Variants in ANKMY2 observed in about 807,000 individuals in gnomAD.
ANKMY2 encodes the protein ankyrin repeat and MYND domain-containing protein 2.
A neutral mutation model predicts 50.4 loss-of-function variants in ANKMY2; 36 were observed. That is an observed-to-expected ratio of 0.71 (90% CI 0.55 to 0.94). The LOEUF is 0.94. Ranked by LOEUF, ANKMY2 falls within the 40% of genes least tolerant of loss-of-function variation. The pLI, the probability that ANKMY2 is intolerant of heterozygous loss-of-function variation, is 0.00. For synonymous variants in ANKMY2, 187 were observed against 178.8 expected, an observed-to-expected ratio of 1.05 and a Z score of -0.36; for missense variants, 565 against 524.0, an observed-to-expected ratio of 1.08 and a Z score of -0.76.
At chr7:16,644,971 AC>A (rs1781809127) in intron 1 of ANKMY2, among the ~76,000 whole-genome samples, 4 of 152,206 alleles carry the variant, frequency 2.6e-5, no homozygotes, top group Admixed American at 2.6e-4. Context: ...GGCCCTGGAT[AC>A]GGAAGTCTCA....
chr7:16,604,835 A>G lies in ANKMY2; in HGVS notation c.897T>C (p.Thr299=), dbSNP rs1461941060. 3.1e-6 allele frequency: 5 copies of G among 1,613,328 alleles called. No individual in the cohort carries two copies. The highest frequency in any genetic ancestry group is 1.3e-5 in the African/African-American group (1 of 74,864). ...TGGCTTGGGTAAGGACGGAGAATGC[A>G]GTGGGATCAGAACCCTAGAGTGGGC... ...IAPVEIGSDP[T]AFSVLTQAIT... Residue 299 remains threonine (T), a synonymous_variant, in exon 8 of 10, where the codon ACT becomes ACC. Transcript: ENST00000306999.
At chr7:16,620,590 G>GTA (rs1227958560) in intron 4 of ANKMY2, among the ~76,000 whole-genome samples, 1 of 105,230 alleles carries the variant, frequency 9.5e-6, no homozygotes, top group Non-Finnish European at 1.8e-5. Flanking sequence ...AAATACATGT[G>GTA]TACACACACA....
intron 7 of ANKMY2, among the ~76,000 whole-genome samples, chr7:16,608,047 A>G (rs1439812506): frequency 1.3e-5 from 2 of 152,282 alleles, no homozygotes; most frequent in Non-Finnish European, 2.9e-5. Context: ...CCTCGTAACC[A>G]TGAGATCATA....
intron 7 of ANKMY2, among the ~76,000 whole-genome samples, chr7:16,607,189 T>C (rs1781174872): frequency 6.6e-6 from 1 of 152,244 alleles, no homozygotes; most frequent in African/African-American, 2.4e-5. Flanking sequence ...TAAAGAAAAG[T>C]CTTTCTAAAA....
intron 4 of ANKMY2, among the ~76,000 whole-genome samples, chr7:16,617,964 G>C (rs1192554368): frequency 7.6e-6 from 1 of 131,488 alleles, no homozygotes; most frequent in Non-Finnish European, 1.5e-5. Flanking sequence ...GTCTGGCTCT[G>C]TTGCCCAGGC....
In ANKMY2 at chr7:16,615,233, T is replaced by C. The variant is rs529905328; in HGVS notation, c.531+511A>G. Among the ~76,000 whole-genome samples, 81 of 152,372 alleles carry C rather than the reference T, an allele frequency of 5.3e-4. 1 individual carries two copies. Among genetic ancestry groups the C allele is most frequent in the South Asian group, 1.7e-3 (8 of 4,832 alleles). ...TTAGAAAGACAATTATTGTAATAGA[T>C]GCTGTTAGTGCCCCCACATACATCC... is the stretch of plus-strand genomic sequence containing the variant. On this transcript the variant is annotated intron_variant, in intron 5 of 9. Transcript: ENST00000306999.
rs905927089 is a variant in ANKMY2 at position 16,600,668 on chromosome 7, C to A, written c.*93G>T. On this transcript the variant is annotated 3_prime_UTR_variant, in exon 10 of 10. Coordinates refer to ENST00000306999, the MANE Select transcript of ANKMY2 (RefSeq NM_020319.3). Reference sequence around the variant, plus strand: ...AATGTGGAATCCTGCCATGGTGCCACGCAGGTATAACAAGGTGAGGACAAT... The same window carrying A: ...AATGTGGAATCCTGCCATGGTGCCAAGCAGGTATAACAAGGTGAGGACAAT... 3 of 1,130,174 alleles carry A rather than the reference C, an allele frequency of 2.7e-6. No homozygotes were observed. The highest frequency in any genetic ancestry group is 3.2e-5 in the African/African-American group (2 of 63,276). 70.0% of individuals were successfully genotyped at this position (1,130,174 alleles called of 1,614,324 possible).
chr7:16,616,671 G>A (rs1201369861), intron 4 of ANKMY2, among the ~76,000 whole-genome samples: 1 of 152,220 alleles, frequency 6.6e-6, no homozygotes, highest in Non-Finnish European at 1.5e-5. Flanking sequence ...AGGAGGGCGG[G>A]CGCAGGCTCT....
At chr7:16,608,895 G>A (rs763644814) in intron 7 of ANKMY2, among the ~76,000 whole-genome samples, 26 of 152,256 alleles carry the variant, frequency 1.7e-4, no homozygotes, top group Middle Eastern at 3.4e-3. Context: ...CAGCCACTCA[G>A]GAGGCTGAAG....
At chr7:16,626,713 G>A (rs1781511935) in intron 3 of ANKMY2, among the ~76,000 whole-genome samples, 1 of 152,146 alleles carries the variant, frequency 6.6e-6, no homozygotes, top group Non-Finnish European at 1.5e-5. Flanking sequence ...AGAGAAGAAA[G>A]AAGTTTTCAT....
intron 2 of ANKMY2, among the ~76,000 whole-genome samples, chr7:16,628,531 G>T (rs908301166): frequency 6.6e-6 from 1 of 151,972 alleles, no homozygotes; most frequent in African/African-American, 2.4e-5. Context: ...GGGTGGGTGT[G>T]GGTAAATCTC....
At chr7:16,601,726 C>G (rs1781066221) in intron 9 of ANKMY2, among the ~76,000 whole-genome samples, 1 of 152,180 alleles carries the variant, frequency 6.6e-6, no homozygotes, top group Non-Finnish European at 1.5e-5. Flanking sequence ...TCCCCCAGAA[C>G]ATATGATACA....
chr7:16,632,771 T>G (rs149962315), intron 2 of ANKMY2, among the ~76,000 whole-genome samples: 1 of 152,346 alleles, frequency 6.6e-6, no homozygotes, highest in East Asian at 1.9e-4. Context: ...TAAGTATATA[T>G]ATAGGATTTC....
chr7:16,621,716 G>GTAA (rs1781437992), intron 4 of ANKMY2, among the ~76,000 whole-genome samples: 1 of 152,140 alleles, frequency 6.6e-6, no homozygotes, highest in South Asian at 2.1e-4. Flanking sequence ...GTTCATGCCT[G>GTAA]TAATCCTAAG....
At chr7:16,601,875 T>C (rs1015402640) in intron 9 of ANKMY2, among the ~76,000 whole-genome samples, 1 of 152,190 alleles carries the variant, frequency 6.6e-6, no homozygotes, top group African/African-American at 2.4e-5. Context: ...CAAAATTCAC[T>C]GCTATGACAC....
rs149583899 is a variant in ANKMY2 at position 16,626,650 on chromosome 7, C to T, written c.271+390G>A. 3.7e-3 allele frequency among the ~76,000 whole-genome samples: 558 copies of T among 152,258 alleles called. 7 individuals carry two copies. Among genetic ancestry groups the T allele is most frequent in the African/African-American group, 0.013 (533 of 41,538 alleles). On this transcript the variant is annotated intron_variant, in intron 3 of 9. Coordinates refer to ENST00000306999, the MANE Select transcript of ANKMY2 (RefSeq NM_020319.3). ...TCTAAAGGGATCATCATATTTAGTA[C>T]ATAAGTGCCAGTGAGGCAAACAGAC...
At chr7:16,602,647 A>G in intron 8 of ANKMY2, 138 bp from the exon 9 acceptor site, 3 of 1,167,270 alleles carry the variant, frequency 2.6e-6, no homozygotes, top group Non-Finnish European at 3.5e-6. Context: ...TGGTTGATAT[A>G]GTTTGGATGT....
chr7:16,645,459 C>T (rs747744375), intron 1 of ANKMY2, 48 bp downstream of exon 1: 8 of 1,558,978 alleles, frequency 5.1e-6, no homozygotes, highest in South Asian at 1.2e-5. Flanking sequence ...CTCCGCCACG[C>T]CCCCCGGCCA....
In ANKMY2 at chr7:16,616,009, A is replaced by C. The variant is rs1040102224; in HGVS notation, c.371-105T>G. ...ATTTTTGTGATGTAAACATGCACCA[A>C]TATCTTTATTTTTCAGGAAAGGAGA... On this transcript the variant is annotated intron_variant, in intron 4 of 9. Transcript: ENST00000306999. The C allele has an allele frequency of 6.6e-6, 7 of 1,061,824 alleles. No homozygotes were observed. In the East Asian group the frequency reaches 1.0e-4, roughly 16 times the overall value. The allele number at this position is 1,061,824 out of a possible 1,614,324, so 65.8% of individuals were successfully genotyped here.
Sources: allele counts gnomAD v4.1 joint callset (sites outside exome capture counted in the v4.1 genomes callset), GRCh38; gene constraint gnomAD v4.1.1; transcripts MANE v1.5; gene names NCBI Gene and HGNC (gene_info 2026-07-23, HGNC 2026-07-21).